Variants in CNTN5 observed in about 807,000 individuals in gnomAD.
CNTN5 encodes contactin-5.
A neutral mutation model predicts 129.1 loss-of-function variants in CNTN5; 77 were observed. That is an observed-to-expected ratio of 0.60 (90% confidence interval 0.50 to 0.72). The LOEUF (loss-of-function observed/expected upper bound fraction) is 0.72, where lower values mean the gene tolerates loss of function less well. Ranked by LOEUF, CNTN5 falls within the 30% of genes least tolerant of loss-of-function variation. The probability of loss-of-function intolerance (pLI) is 0.00; values close to 1 mark genes in which losing one functional copy is unlikely to be tolerated. For synonymous variants in CNTN5, 509 were observed against 465.6 expected (o/e 1.09, Z -1.20); for missense variants, 1,478 against 1,328.8 (o/e 1.11, Z -1.75).
chr11:99,457,972 T>A (rs1238007208), intron 2 of CNTN5, among the ~76,000 whole-genome samples: 1 of 151,958 alleles, frequency 6.6e-6, no homozygotes, highest in Non-Finnish European at 1.5e-5. Flanking sequence ...TCAGTAATTC[T>A]TTAGAATTTA....
chr11:99,801,797 T>C (rs1380960050), intron 3 of CNTN5, among the ~76,000 whole-genome samples: 1 of 152,182 alleles, frequency 6.6e-6, no homozygotes, highest in Non-Finnish European at 1.5e-5. Flanking sequence ...TTTAAAGATG[T>C]TTATCTCTTC....
intron 3 of CNTN5, among the ~76,000 whole-genome samples, chr11:99,628,673 A>G (rs1951226199): frequency 6.8e-6 from 1 of 146,908 alleles, no homozygotes; most frequent in South Asian, 2.2e-4. Context: ...AATAATATTT[A>G]TCAACATTGA....
intron 9 of CNTN5, among the ~76,000 whole-genome samples, chr11:100,049,330 C>G (rs528532818): frequency 1.3e-5 from 2 of 151,944 alleles, no homozygotes; most frequent in South Asian, 4.2e-4. Context: ...TTGTCAGATT[C>G]ATATCGCAAA....
chr11:99,827,628 A>G (rs72989593), intron 4 of CNTN5, among the ~76,000 whole-genome samples: 3,787 of 152,320 alleles, frequency 0.025, 64 homozygotes, highest in Non-Finnish European at 0.038. Context: ...TGGCCCAGAA[A>G]CATTTTCATA....
At chr11:100,049,588 C>G (rs1453473586) in intron 9 of CNTN5, among the ~76,000 whole-genome samples, 1 of 151,914 alleles carries the variant, frequency 6.6e-6, no homozygotes, top group Non-Finnish European at 1.5e-5. Context: ...TTGAAAACAC[C>G]AAAAGCAACG....
chr11:99,972,424 C>G (rs867955863), intron 8 of CNTN5, among the ~76,000 whole-genome samples: 1 of 152,138 alleles, frequency 6.6e-6, no homozygotes, highest in Non-Finnish European at 1.5e-5. Context: ...TTTGGAAATA[C>G]AAGGCGTGTC....
intron 3 of CNTN5, among the ~76,000 whole-genome samples, chr11:99,746,049 T>C (rs181117775): frequency 6.1e-4 from 93 of 152,290 alleles, no homozygotes; most frequent in African/African-American, 2.1e-3. Context: ...TCTTTTAAGA[T>C]CAGATGTGAC....
chr11:100,341,844 G>T (rs1022781409), intron 23 of CNTN5, among the ~76,000 whole-genome samples: 1 of 151,774 alleles, frequency 6.6e-6, no homozygotes, highest in Non-Finnish European at 1.5e-5. Flanking sequence ...GTTCTATAAT[G>T]TCAGATTCTG....
chr11:99,116,492 A>G (rs184945150), intron 1 of CNTN5, among the ~76,000 whole-genome samples: 1 of 152,178 alleles, frequency 6.6e-6, no homozygotes, highest in East Asian at 1.9e-4. Context: ...AGGCGTTTGG[A>G]TGTTGATTTC....
At chr11:99,524,808 A>G (rs1947423937) in intron 2 of CNTN5, among the ~76,000 whole-genome samples, 1 of 152,100 alleles carries the variant, frequency 6.6e-6, no homozygotes, top group African/African-American at 2.4e-5. Context: ...ATCTCAAAAA[A>G]AAACAAAAAA....
intron 3 of CNTN5, among the ~76,000 whole-genome samples, chr11:99,712,853 C>G (rs1039643818): frequency 6.6e-6 from 1 of 152,002 alleles, no homozygotes; most frequent in Non-Finnish European, 1.5e-5. Flanking sequence ...TGTTGTGGTA[C>G]TAGTACCGTG....
chr11:99,216,570 T>C lies in CNTN5; in HGVS notation c.-209-108776T>C, dbSNP rs997408742. Among the ~76,000 whole-genome samples the C allele has an allele frequency of 9.1e-4, 139 of 151,920 alleles. 1 individual carries two copies. Among genetic ancestry groups the C allele is most frequent in the African/African-American group, 3.2e-3 (134 of 41,508 alleles). ...ATCATATGCTGGATAATATAATCCA[T>C]CATACGCTGGATAATATCTTTAACT... On this transcript the variant is annotated intron_variant, in intron 1 of 24. Coordinates refer to ENST00000524871, the MANE Select transcript of CNTN5 (RefSeq NM_014361.4).
chr11:99,034,975 G>T (rs1304757363), intron 1 of CNTN5, among the ~76,000 whole-genome samples: 7 of 150,738 alleles, frequency 4.6e-5, no homozygotes, highest in African/African-American at 1.5e-4. Flanking sequence ...TTGTGTCTTT[G>T]TTCTCGTTGG....
intron 3 of CNTN5, among the ~76,000 whole-genome samples, chr11:99,684,362 T>C (rs1953693563): frequency 6.6e-6 from 1 of 151,944 alleles, no homozygotes; most frequent in Admixed American, 6.6e-5. Context: ...ATATGGGTTA[T>C]TGAATACATG....
intron 1 of CNTN5, among the ~76,000 whole-genome samples, chr11:99,255,831 T>C (rs866309524): frequency 2.2e-4 from 33 of 150,146 alleles, no homozygotes; most frequent in African/African-American, 7.6e-4. Flanking sequence ...CGCACACACA[T>C]GCACACGCAC....
intron 1 of CNTN5, among the ~76,000 whole-genome samples, chr11:99,112,318 T>C (rs1022309039): frequency 6.6e-6 from 1 of 151,996 alleles, no homozygotes; most frequent in African/African-American, 2.4e-5. Flanking sequence ...AAATAAGGGA[T>C]TCTTAATCTC....
At chr11:100,053,666 G>A (rs761292950) in intron 9 of CNTN5, among the ~76,000 whole-genome samples, 3 of 151,624 alleles carry the variant, frequency 2.0e-5, no homozygotes, top group Non-Finnish European at 4.4e-5. Flanking sequence ...AGTCTGGTAA[G>A]TACTTATACA....
At chr11:100,267,730 G>A (rs12290538) in intron 17 of CNTN5, among the ~76,000 whole-genome samples, 2,417 of 152,240 alleles carry the variant, frequency 0.016, 68 homozygotes, top group African/African-American at 0.056. Flanking sequence ...AGATCATACA[G>A]TACTTGGGTT....
intron 13 of CNTN5, among the ~76,000 whole-genome samples, chr11:100,121,075 G>A (rs1167348466): frequency 6.6e-6 from 1 of 151,948 alleles, no homozygotes; most frequent in African/African-American, 2.4e-5. Flanking sequence ...TAGTTTATGT[G>A]ACATGGGAGC....
Sources: allele counts gnomAD v4.1 joint callset (sites outside exome capture counted in the v4.1 genomes callset), GRCh38; gene constraint gnomAD v4.1.1; transcripts MANE v1.5; gene names NCBI Gene and HGNC (gene_info 2026-07-23, HGNC 2026-07-21).